Variants in CACNA1B observed in about 807,000 individuals in gnomAD.
CACNA1B encodes calcium voltage-gated channel subunit alpha1 B.
CACNA1B carries 70 observed loss-of-function variants against 247.2 expected under a neutral mutation model. The ratio of observed to expected loss-of-function variants is 0.28; its 90% CI spans 0.23 to 0.35. CACNA1B has a LOEUF of 0.35. Ranked by LOEUF, CACNA1B falls within the 10% of genes least tolerant of loss-of-function variation. The pLI, the probability that CACNA1B is intolerant of heterozygous loss-of-function variation, is 1.00. For missense variants in CACNA1B, 2,367 were observed against 3,197.4 expected, an observed-to-expected ratio of 0.74 and a Z score of 6.26; for synonymous variants, 1,231 against 1,294.4, an observed-to-expected ratio of 0.95 and a Z score of 1.05.
In CACNA1B at chr9:138,057,817, C is replaced by G. The variant is rs1303040086; in HGVS notation, c.4054C>G (p.Leu1352Val). Residue 1352 changes from leucine to valine, a missense_variant, in exon 27 of 47, where the codon CTC becomes GTC. Physicochemically the swap from Leu to Val is conservative, Grantham distance 32. Around this residue, in one of 12 missense-constraint regions of CACNA1B, gnomAD observed 436 missense variants for 679.5 expected, o/e 0.64. Coordinates refer to ENST00000371372, the MANE Select transcript of CACNA1B (RefSeq NM_000718.4). This position sits in a 1 kb window ranked among gnomAD's most constrained non-coding sequence, Gnocchi z 4.0. Reference protein sequence around the residue: ...KKYDFHYDNVLWALLTLFTVS... With the variant: ...KKYDFHYDNVVWALLTLFTVS... ...ATACGACTTTCACTACGACAATGTG[C>G]TCTGGGCTCTGCTGACGCTGTTCAC... The G allele has an allele frequency of 6.2e-7, 1 of 1,612,474 alleles. No homozygotes were observed. Among genetic ancestry groups the G allele is most frequent in the Admixed American group, 1.7e-5 (1 of 59,918 alleles).
Position 138,121,752 on chromosome 9 carries a change from C to G in CACNA1B, c.6773C>G (p.Pro2258Arg), listed in dbSNP as rs1430690049. ...LAPGSRIGSD[P>R]YLGQRLDSEA... is the part of the protein sequence containing the mutation. ...CCTGGCTCTCGAATTGGCTCTGACC[C>G]TTACCTGGGGCAGCGTCTGGACAGT... Residue 2258 changes from proline to arginine, a missense_variant, in exon 47 of 47, where the codon CCT becomes CGT. This residue lies in a region of CACNA1B where 773 missense variants were observed against 779.4 expected (regional missense o/e 0.99). Transcript: ENST00000371372. This position sits in a 1 kb window ranked among gnomAD's most constrained non-coding sequence, Gnocchi z 6.8. The G allele has an allele frequency of 6.2e-7, 1 of 1,613,386 alleles. No individual in the cohort carries two copies. The highest frequency in any genetic ancestry group is 8.5e-7 in the Non-Finnish European group (1 of 1,179,894).
In CACNA1B at chr9:137,957,772, T is replaced by A; in HGVS notation, c.1333+85T>A. On this transcript the variant is annotated intron_variant, in intron 10 of 46. Transcript: ENST00000371372. The surrounding 1 kb of genome is among the most constrained non-coding windows in gnomAD (Gnocchi z 4.7). The stretch of plus-strand genomic sequence containing the variant: ...TCCGCTTCCCCTGCTACCCAGCCAC[T>A]GTTGGACGCCCCTTCTTGCCCAAAC... 1 of 973,724 alleles carries A rather than the reference T, an allele frequency of 1.0e-6. No homozygotes were observed. Among genetic ancestry groups the A allele is most frequent in the Non-Finnish European group, 1.5e-6 (1 of 666,938 alleles). The allele number at this position is 973,724 out of a possible 1,614,324, so 60.3% of individuals were successfully genotyped here.
In CACNA1B at chr9:138,050,170, A is replaced by AC; in HGVS notation, c.3710+861dup. Reference sequence around the variant, plus strand: ...CTTGGGTCATTTCATCTCCAGCCTCACCCCCCGCCCATCCACTTTCACCCC... The same window carrying AC: ...CTTGGGTCATTTCATCTCCAGCCTCACCCCCCCGCCCATCCACTTTCACCCC... On this transcript the variant is annotated intron_variant, in intron 24 of 46. Transcript: ENST00000371372. The surrounding 1 kb of genome is among the most constrained non-coding windows in gnomAD (Gnocchi z 5.2). The AC allele has an allele frequency of 3.0e-6, 3 of 1,007,562 alleles. No homozygotes were observed. The highest frequency in any genetic ancestry group is 2.7e-5 in the South Asian group (2 of 75,142). The allele number at this position is 1,007,562 out of a possible 1,614,324, so 62.4% of individuals were successfully genotyped here. A position where few individuals can be genotyped will look rare whatever the true frequency, so the allele number is the denominator to read the frequency against.
At chr9:137,892,380 G>A (rs778354456) in intron 3 of CACNA1B, 27 of 456,318 alleles carry the variant, frequency 5.9e-5, no homozygotes, top group African/African-American at 1.2e-4. Flanking sequence ...TGGGGCAGGC[G>A]GGATGCAGGG....
At chr9:137,949,572 C>A (rs1298715529) in intron 6 of CACNA1B, among the ~76,000 whole-genome samples, 1 of 151,932 alleles carries the variant, frequency 6.6e-6, no homozygotes, top group African/African-American at 2.4e-5. Flanking sequence ...TCATGAGGAA[C>A]TGGCTCATGT....
intron 39 of CACNA1B, among the ~76,000 whole-genome samples, chr9:138,106,370 CACTT>C (rs1036557076): frequency 2.0e-5 from 3 of 152,132 alleles, no homozygotes; most frequent in African/African-American, 4.8e-5. Context: ...TGCCAAGCCT[CACTT>C]ACGTCTCCCC....
chr9:138,096,152 G>T (rs1161518201), intron 36 of CACNA1B, among the ~76,000 whole-genome samples: 1 of 152,192 alleles, frequency 6.6e-6, no homozygotes, highest in African/African-American at 2.4e-5. Context: ...GGCCCGTAGA[G>T]TCCAAACTGT....
At chr9:137,964,063 C>G (rs1958049481) in intron 10 of CACNA1B, among the ~76,000 whole-genome samples, 1 of 152,230 alleles carries the variant, frequency 6.6e-6, no homozygotes, top group Non-Finnish European at 1.5e-5. Context: ...AGGTCCACTG[C>G]TAGTCTGATG....
chr9:138,030,374 TATATG>T (rs1424461166), intron 20 of CACNA1B, among the ~76,000 whole-genome samples: 1 of 152,178 alleles, frequency 6.6e-6, no homozygotes, highest in Non-Finnish European at 1.5e-5. Flanking sequence ...TTTTTTCTGT[TATATG>T]GTATTTTATA....
rs2131363012 is a variant in CACNA1B, at chr9:138,112,486, G to A, written c.5517G>A (p.Leu1839=). The A allele has an allele frequency of 6.2e-7, 1 of 1,609,508 alleles. No individual in the cohort carries two copies. Among genetic ancestry groups the A allele is most frequent in the African/African-American group, 1.3e-5 (1 of 74,956 alleles). The change falls in exon 40 of 47, where the codon TTG becomes TTA. Residue 1839 remains leucine (L), a synonymous_variant. Transcript: ENST00000371372. ...ATCTGCCCCAGAAGACTTTGGACTTGCTGGTACCACCCCATAAGCGTAAGT... is the reference window on the plus strand; with the variant it reads ...ATCTGCCCCAGAAGACTTTGGACTTACTGGTACCACCCCATAAGCGTAAGT... ...WANLPQKTLD[L]LVPPHKPDEM... is the part of the protein sequence containing the mutation.
intron 39 of CACNA1B, among the ~76,000 whole-genome samples, chr9:138,108,465 A>G (rs916305415): frequency 1.3e-5 from 2 of 152,164 alleles, no homozygotes; most frequent in African/African-American, 2.4e-5. Flanking sequence ...AATAATGCCA[A>G]TTCTGTATAG....
intron 13 of CACNA1B, among the ~76,000 whole-genome samples, chr9:137,985,973 G>T (rs1958356037): frequency 6.6e-6 from 1 of 152,254 alleles, no homozygotes; most frequent in African/African-American, 2.4e-5. Context: ...ATCTGCTGTA[G>T]GTTCCGGTGT....
At chr9:138,068,141 A>G (rs748292281) in intron 31 of CACNA1B, among the ~76,000 whole-genome samples, 14 of 152,208 alleles carry the variant, frequency 9.2e-5, no homozygotes, top group Non-Finnish European at 1.5e-4. Context: ...TGATCCCACA[A>G]CAAAGGCCAG....
chr9:137,952,519 G>A lies in CACNA1B; in HGVS notation c.1070+142G>A, dbSNP rs1957889802. The A allele has an allele frequency of 2.9e-6, 2 of 683,180 alleles. No individual in the cohort carries two copies. The highest frequency in any genetic ancestry group is 2.6e-6 in the Non-Finnish European group (1 of 385,044). 42.3% of individuals were successfully genotyped at this position (683,180 alleles called of 1,614,324 possible). A position where few individuals can be genotyped will look rare whatever the true frequency, so the allele number is the denominator to read the frequency against. On this transcript the variant is annotated intron_variant, in intron 7 of 46. Transcript: ENST00000371372. This position sits in a 1 kb window ranked among gnomAD's most constrained non-coding sequence, Gnocchi z 4.8. ...GTTGCCCCTGGTGTTCTGGGTTCTG[G>A]TAGCCCTTCCTTTGTGCCACCATCC... is the stretch of plus-strand genomic sequence containing the variant.
chr9:138,037,628 C>T (rs986699309), intron 20 of CACNA1B, among the ~76,000 whole-genome samples: 14 of 151,868 alleles, frequency 9.2e-5, no homozygotes, highest in African/African-American at 3.1e-4. Flanking sequence ...CATTTCACTC[C>T]AGCCTGGGCA....
intron 12 of CACNA1B, among the ~76,000 whole-genome samples, chr9:137,977,569 C>T (rs1435177268): frequency 6.6e-6 from 1 of 152,182 alleles, no homozygotes; most frequent in Non-Finnish European, 1.5e-5. Context: ...TGAGAATCTT[C>T]TGGATTCTCA....
intron 20 of CACNA1B, among the ~76,000 whole-genome samples, chr9:138,030,341 A>G (rs897097465): frequency 1.3e-5 from 2 of 151,988 alleles, no homozygotes; most frequent in African/African-American, 4.8e-5. Flanking sequence ...GATTTTCTGC[A>G]TCAATTGATA....
Position 137,952,187 on chromosome 9 carries a change from G to A in CACNA1B, c.967-87G>A, listed in dbSNP as rs1318956262. ...CCTACCAGGTGTGTGCTTCTGAGAA[G>A]GAGGCCTGTTGGGGGCTGGGGGTGC... is the stretch of plus-strand genomic sequence containing the variant. On this transcript the variant is annotated intron_variant, in intron 6 of 46. Transcript: ENST00000371372. This position sits in a 1 kb window ranked among gnomAD's most constrained non-coding sequence, Gnocchi z 4.8. The A allele has an allele frequency of 1.0e-5, 10 of 999,324 alleles. No individual in the cohort carries two copies. Among genetic ancestry groups the A allele is most frequent in the Non-Finnish European group, 1.6e-5 (10 of 633,892 alleles). 61.9% of individuals were successfully genotyped at this position (999,324 alleles called of 1,614,324 possible).
chr9:138,028,066 C>G (rs1262422441), intron 20 of CACNA1B, among the ~76,000 whole-genome samples: 3 of 115,466 alleles, frequency 2.6e-5, no homozygotes, highest in African/African-American at 1.0e-4. Flanking sequence ...CTGAGCCTTG[C>G]TCTGTCACCC....
Sources: allele counts gnomAD v4.1 joint callset (sites outside exome capture counted in the v4.1 genomes callset), GRCh38; gene constraint gnomAD v4.1.1; regional missense constraint gnomAD v4.1.1; non-coding constraint Gnocchi (gnomAD v3.1); transcripts MANE v1.5; gene names NCBI Gene and HGNC (gene_info 2026-07-23, HGNC 2026-07-21).